Variants in ATL2 observed in about 807,000 individuals in gnomAD.
The protein encoded by ATL2 is atlastin GTPase 2.
Under a neutral mutation model 73.9 loss-of-function variants are expected in ATL2, and 31 were observed. That is an observed-to-expected ratio of 0.42 (90% CI 0.32 to 0.57). The LOEUF (loss-of-function observed/expected upper bound fraction) is 0.57. Ranked by LOEUF, ATL2 falls within the 20% of genes least tolerant of loss-of-function variation. The pLI is 0.14. For synonymous variants in ATL2, 291 were observed against 237.5 expected (o/e 1.23, Z -2.07); for missense variants, 738 against 702.6 (o/e 1.05, Z -0.57).
intron 2 of ATL2, among the ~76,000 whole-genome samples, chr2:38,333,248 C>G (rs1007644294): frequency 1.3e-5 from 2 of 151,396 alleles, no homozygotes; most frequent in African/African-American, 4.9e-5. Flanking sequence ...GTGATTGTGC[C>G]TCTTCACTCC....
chr2:38,371,768 C>T (rs559812343), intron 1 of ATL2, among the ~76,000 whole-genome samples: 6 of 151,994 alleles, frequency 3.9e-5, no homozygotes, highest in Middle Eastern at 3.4e-3. Flanking sequence ...CGTGGTGGCA[C>T]GCGTCTGTAG....
At chr2:38,378,359 C>T (rs186464735), upstream of ATL2, among the ~76,000 whole-genome samples, 360 of 152,302 alleles carry the variant, frequency 2.4e-3, no homozygotes, top group African/African-American at 8.3e-3. Flanking sequence ...TCTGCCTCAG[C>T]CTCCGGAGTA....
chr2:38,299,362 A>G, intron 10 of ATL2, 35 bp from the exon 11 acceptor site: 1 of 1,513,232 alleles, frequency 6.6e-7, no homozygotes, highest in Non-Finnish European at 8.8e-7. Context: ...TATGCAAAAA[A>G]TACTCTATGA....
At chr2:38,376,863 G>A (rs955941628) in intron 1 of ATL2, among the ~76,000 whole-genome samples, 1 of 150,674 alleles carries the variant, frequency 6.6e-6, no homozygotes. Flanking sequence ...GCCACGCGGC[G>A]GGCTGGCGGG....
intron 2 of ATL2, among the ~76,000 whole-genome samples, chr2:38,319,454 C>T (rs1253983044): frequency 3.3e-5 from 5 of 151,862 alleles, no homozygotes; most frequent in Non-Finnish European, 7.4e-5. Context: ...CAAAAATTAG[C>T]CAGGCGTGGC....
At chr2:38,344,874 G>A (rs1255697494) in intron 1 of ATL2, among the ~76,000 whole-genome samples, 1 of 152,100 alleles carries the variant, frequency 6.6e-6, no homozygotes, top group Admixed American at 6.5e-5. Context: ...AGCTGTTATA[G>A]CTCCCGAAAA....
chr2:38,361,049 G>C (rs1387314552), intron 1 of ATL2, among the ~76,000 whole-genome samples: 1 of 151,986 alleles, frequency 6.6e-6, no homozygotes, highest in East Asian at 1.9e-4. Context: ...CACCAACGTG[G>C]AATGAAAAAA....
intron 2 of ATL2, among the ~76,000 whole-genome samples, chr2:38,326,848 C>A (rs1348309110): frequency 6.6e-6 from 1 of 151,866 alleles, no homozygotes; most frequent in Non-Finnish European, 1.5e-5. Flanking sequence ...ATTAGCCAGG[C>A]GTGGTGGCAC....
chr2:38,348,085 T>C (rs544529709), intron 1 of ATL2, among the ~76,000 whole-genome samples: 2 of 152,194 alleles, frequency 1.3e-5, no homozygotes, highest in Non-Finnish European at 2.9e-5. Flanking sequence ...ACCTAGTTTA[T>C]AAGCAAATAT....
At chr2:38,315,971 A>G (rs1412842381) in intron 4 of ATL2, among the ~76,000 whole-genome samples, 3 of 152,230 alleles carry the variant, frequency 2.0e-5, no homozygotes, top group Non-Finnish European at 4.4e-5. Flanking sequence ...TAGAGTTGAT[A>G]AAGGAGGGTC....
At chr2:38,376,628 G>C (rs992682966) in intron 1 of ATL2, 1 of 153,290 alleles carries the variant, frequency 6.5e-6, no homozygotes, top group Admixed American at 6.5e-5. Context: ...CGGCAGCAAG[G>C]TGTCTGCTCC....
intron 2 of ATL2, among the ~76,000 whole-genome samples, chr2:38,337,971 A>G (rs1338981972): frequency 1.3e-5 from 2 of 152,192 alleles, no homozygotes; most frequent in African/African-American, 4.8e-5. Context: ...TGTATATTAT[A>G]TAATTCTACT....
At chr2:38,349,179 A>T (rs1015468770) in intron 1 of ATL2, among the ~76,000 whole-genome samples, 1 of 152,086 alleles carries the variant, frequency 6.6e-6, no homozygotes, top group African/African-American at 2.4e-5. Context: ...CTGGGTATAT[A>T]CCCAAAGGAC....
At chr2:38,314,368 T>G (rs762768897) in intron 6 of ATL2, among the ~76,000 whole-genome samples, 3 of 152,186 alleles carry the variant, frequency 2.0e-5, no homozygotes, top group Non-Finnish European at 4.4e-5. Context: ...AAGAGAAACA[T>G]TACTCCCCTT....
chr2:38,344,288 T>G (rs1669895536), intron 1 of ATL2, among the ~76,000 whole-genome samples: 1 of 152,146 alleles, frequency 6.6e-6, no homozygotes, highest in Non-Finnish European at 1.5e-5. Context: ...TCACAAACAT[T>G]ACTCTACTTT....
chr2:38,377,045 G>C, intron 1 of ATL2, 98 bp downstream of exon 1: 1 of 1,148,596 alleles, frequency 8.7e-7, no homozygotes, highest in Non-Finnish European at 1.2e-6. Flanking sequence ...ACCAGCCGCG[G>C]ACTCCGACCC....
Position 38,368,978 on chromosome 2 carries a change from T to C in ATL2, c.118+8165A>G, listed in dbSNP as rs543927219. Among the ~76,000 whole-genome samples the C allele has an allele frequency of 1.4e-4, 21 of 152,230 alleles. No individual in the cohort carries two copies. The East Asian group carries it at 4.1e-3, about 29-fold the overall frequency. On this transcript the variant is annotated intron_variant, in intron 1 of 12. Transcript: ENST00000378954. ...CAATTTCCATATCACTATTCCAACA[T>C]CAACTACAATCAAAAAATTGCAAAT...
intron 1 of ATL2, among the ~76,000 whole-genome samples, chr2:38,345,448 C>T (rs769052767): frequency 1.3e-5 from 2 of 152,260 alleles, no homozygotes; most frequent in South Asian, 4.1e-4. Flanking sequence ...CTCCACATCA[C>T]GAGGCACCTT....
intron 11 of ATL2, 138 bp downstream of exon 11, chr2:38,299,118 C>G: frequency 1.4e-6 from 1 of 710,820 alleles, no homozygotes; most frequent in Non-Finnish European, 2.0e-6. Context: ...CCAGCAAAGA[C>G]CATAAAGGGG....
Sources: allele counts gnomAD v4.1 joint callset (sites outside exome capture counted in the v4.1 genomes callset), GRCh38; gene constraint gnomAD v4.1.1; transcripts MANE v1.5; gene names NCBI Gene and HGNC (gene_info 2026-07-23, HGNC 2026-07-21).